The following PALM2AKAP2 variants were observed in gnomAD, a reference collection of about 807,000 sequenced individuals.
The protein encoded by PALM2AKAP2 is PALM2-AKAP2 fusion protein.
PALM2AKAP2 carries 37 observed loss-of-function variants against 71.5 expected under a neutral mutation model. The observed-to-expected ratio is 0.52, with a 90% confidence interval of 0.40 to 0.68. PALM2AKAP2 has a LOEUF of 0.68. Among genes scored for constraint, PALM2AKAP2 ranks in the 30% least tolerant of loss-of-function variants. The pLI is 0.00. For missense variants in PALM2AKAP2, 1,224 were observed against 1,191.8 expected (o/e 1.03, Z -0.40); for synonymous variants, 468 against 478.8 (o/e 0.98, Z 0.29).
At chr9:109,906,436 C>T (rs891250102) in intron 3 of PALM2AKAP2, among the ~76,000 whole-genome samples, 5 of 152,140 alleles carry the variant, frequency 3.3e-5, no homozygotes, top group African/African-American at 4.8e-5. Context: ...TGACTTCAAG[C>T]GATCCACCTG....
rs1415146975 is a variant in PALM2AKAP2, at chr9:109,807,508, TC to T, written c.45+26976del. On this transcript the variant is annotated intron_variant, in intron 1 of 9. Transcript: ENST00000302798. ...GTTTCCTGGTTCATAGATGGAACCT[TC>T]TATATATATATGTTCACATGGTGGA... Among the ~76,000 whole-genome samples the T allele has an allele frequency of 3.3e-5, 5 of 151,958 alleles. No homozygotes were observed. In the East Asian group the frequency reaches 9.7e-4, roughly 29 times the overall value.
At chr9:109,697,839 T>C (rs1827995148) in intron 1 of PALM2AKAP2, among the ~76,000 whole-genome samples, 4 of 152,234 alleles carry the variant, frequency 2.6e-5, no homozygotes, top group Admixed American at 2.0e-4. Flanking sequence ...CAAATTGCCA[T>C]GTATCTCCAT....
chr9:109,896,479 G>A (rs1018744298), intron 3 of PALM2AKAP2, among the ~76,000 whole-genome samples: 7 of 152,236 alleles, frequency 4.6e-5, no homozygotes, highest in Middle Eastern at 3.4e-3. Flanking sequence ...TTCCAAGTGC[G>A]TCCTGTGTGC....
chr9:109,959,455 C>T (rs1028760229), intron 6 of PALM2AKAP2, among the ~76,000 whole-genome samples: 1 of 152,034 alleles, frequency 6.6e-6, no homozygotes, highest in East Asian at 1.9e-4. Flanking sequence ...CCATCCTAGC[C>T]TATACAGTGA....
chr9:109,706,793 G>T lies in PALM2AKAP2; in HGVS notation c.5+65927G>T, dbSNP rs139537163. On this transcript the variant is annotated intron_variant, in intron 1 of 6. Transcript: ENST00000374531. Reference sequence around the variant, plus strand: ...ACCTTAACAAACACGCTAAATGAAAGAAGCAAGTCACAAAACCTATATACT... The same window carrying T: ...ACCTTAACAAACACGCTAAATGAAATAAGCAAGTCACAAAACCTATATACT... 6.8e-4 allele frequency among the ~76,000 whole-genome samples: 104 copies of T among 152,320 alleles called. 2 individuals carry two copies. In the East Asian group the frequency reaches 0.019, roughly 27 times the overall value.
intron 1 of PALM2AKAP2, among the ~76,000 whole-genome samples, chr9:109,816,174 T>A (rs1384095058): frequency 6.6e-6 from 1 of 152,188 alleles, no homozygotes; most frequent in East Asian, 1.9e-4. Context: ...TCTCCTACAC[T>A]CCAGGGCACC....
chr9:109,786,317 G>C (rs1428917880), intron 1 of PALM2AKAP2, among the ~76,000 whole-genome samples: 1 of 152,188 alleles, frequency 6.6e-6, no homozygotes, highest in East Asian at 1.9e-4. Flanking sequence ...ATCCCTCAGA[G>C]GGGTTAGAGA....
At chr9:109,817,795 A>G (rs1451251681) in intron 1 of PALM2AKAP2, among the ~76,000 whole-genome samples, 1 of 152,188 alleles carries the variant, frequency 6.6e-6, no homozygotes, top group East Asian at 1.9e-4. Context: ...TTTGTTCCAA[A>G]TGTTCCTGGC....
chr9:109,866,127 C>T (rs1451616233), intron 1 of PALM2AKAP2, among the ~76,000 whole-genome samples: 1 of 152,162 alleles, frequency 6.6e-6, no homozygotes, highest in Non-Finnish European at 1.5e-5. Context: ...TTTGTAAGGT[C>T]TGGGCATTGC....
At chr9:109,789,082 G>C (rs1393283922) in intron 1 of PALM2AKAP2, among the ~76,000 whole-genome samples, 2 of 152,238 alleles carry the variant, frequency 1.3e-5, no homozygotes, top group Non-Finnish European at 2.9e-5. Flanking sequence ...GATTGGCTGG[G>C]CAGGTTGAGA....
At chr9:109,775,225 C>T (rs577198120), upstream of PALM2AKAP2, among the ~76,000 whole-genome samples, 10 of 152,288 alleles carry the variant, frequency 6.6e-5, no homozygotes, top group Admixed American at 2.0e-4. Context: ...CCAAAGCTAA[C>T]CAAGAGAAAA....
At chr9:110,060,097 TGTTTTTG>T (rs558390720) in intron 1 of PALM2AKAP2, among the ~76,000 whole-genome samples, 812 of 39,082 alleles carry the variant, frequency 0.021, 7 homozygotes, top group Middle Eastern at 0.11. Context: ...CCAGGTATTT[TGTTTTTG>T]TTTTTGTTTT....
chr9:109,780,419 A>T (rs543008363), upstream of PALM2AKAP2: 69 of 1,611,546 alleles, frequency 4.3e-5, no homozygotes, highest in Non-Finnish European at 5.3e-5. Context: ...GGTGCCCATC[A>T]GTTTCCTTGG....
chr9:109,771,243 G>A (rs34147523), intron 1 of PALM2AKAP2, among the ~76,000 whole-genome samples: 13,868 of 152,218 alleles, frequency 0.091, 767 homozygotes, highest in South Asian at 0.16. Context: ...CTTCCCAAAG[G>A]GACTGACAAG....
chr9:109,835,743 G>T (rs1828454347), intron 1 of PALM2AKAP2, among the ~76,000 whole-genome samples: 1 of 152,186 alleles, frequency 6.6e-6, no homozygotes, highest in South Asian at 2.1e-4. Flanking sequence ...TCCTGCGCCT[G>T]GCTCAGAGGG....
At chr9:110,069,637 T>A (rs1460464380) in intron 1 of PALM2AKAP2, among the ~76,000 whole-genome samples, 3 of 152,212 alleles carry the variant, frequency 2.0e-5, no homozygotes, top group African/African-American at 7.2e-5. Context: ...GTGCATTTGC[T>A]TATCGGATTC....
intron 3 of PALM2AKAP2, among the ~76,000 whole-genome samples, chr9:109,887,817 G>A (rs1830001083): frequency 1.3e-5 from 2 of 152,192 alleles, no homozygotes; most frequent in South Asian, 2.1e-4. Context: ...CCCAACAGAA[G>A]TTGTTATTTT....
intron 1 of PALM2AKAP2, among the ~76,000 whole-genome samples, chr9:110,065,010 C>G (rs79990879): frequency 0.017 from 2,609 of 152,230 alleles, 154 homozygotes; most frequent in Admixed American, 0.12. Context: ...GGTTGCAAGG[C>G]TGTGGAAACA....
At chr9:109,809,946 C>T (rs577443774) in intron 1 of PALM2AKAP2, among the ~76,000 whole-genome samples, 138 of 152,318 alleles carry the variant, frequency 9.1e-4, no homozygotes, top group Non-Finnish European at 1.6e-3. Flanking sequence ...ATTGTGAGGC[C>T]TCCCCAGCCA....
Sources: gnomAD v4.1 joint callset for allele counts (sites outside exome capture counted in the v4.1 genomes callset) on GRCh38, gnomAD v4.1.1 for gene constraint, MANE v1.5 for transcripts, NCBI Gene and HGNC (gene_info 2026-07-23, HGNC 2026-07-21) for gene names.